The following GOLIM4 variants were observed in gnomAD, a reference collection of about 807,000 sequenced individuals.
The protein encoded by GOLIM4 is 130 kDa golgi-localized phosphoprotein.
GOLIM4 carries 71 observed loss-of-function variants against 107.4 expected under a neutral mutation model. The observed-to-expected ratio is 0.66, with a 90% CI of 0.55 to 0.81. GOLIM4 has a LOEUF of 0.81. Ranked by LOEUF, GOLIM4 falls within the 30% of genes least tolerant of loss-of-function variation. GOLIM4 has a pLI of 0.00. For synonymous variants in GOLIM4, 327 were observed against 294.8 expected, an observed-to-expected ratio of 1.11 and a Z score of -1.12; for missense variants, 830 against 826.1, an observed-to-expected ratio of 1.00 and a Z score of -0.06.
chr3:168,083,528 G>C (rs1721475426), intron 1 of GOLIM4, among the ~76,000 whole-genome samples: 1 of 152,166 alleles, frequency 6.6e-6, no homozygotes, highest in Non-Finnish European at 1.5e-5. Flanking sequence ...TAAATACCAG[G>C]TAATTTCCCT....
At position 168,009,159 on chromosome 3, in the gene GOLIM4, A is replaced by G. The variant is rs1259175202; in HGVS notation, c.*1110T>C. 1.3e-5 allele frequency: 2 copies of G among 152,004 alleles called. No individual in the cohort carries two copies. The highest frequency in any genetic ancestry group is 2.9e-5 in the Non-Finnish European group (2 of 67,982). 9.4% of individuals were successfully genotyped at this position (152,004 alleles called of 1,614,324 possible). On this transcript the variant is annotated 3_prime_UTR_variant, in exon 16 of 16. Coordinates refer to ENST00000470487, the MANE Select transcript of GOLIM4 (RefSeq NM_014498.5). The stretch of plus-strand genomic sequence containing the variant: ...GATTTTTAATTTTCTTATTTTAAGG[A>G]ATCTATTATATTCACAATGATTAAA...
chr3:168,073,259 A>C (rs1026699897), intron 1 of GOLIM4, among the ~76,000 whole-genome samples: 7 of 152,206 alleles, frequency 4.6e-5, no homozygotes, highest in African/African-American at 1.7e-4. Context: ...GACGGTAGGG[A>C]CCGTGTCTTC....
At chr3:168,066,974 C>T (rs974227588) in intron 1 of GOLIM4, among the ~76,000 whole-genome samples, 5 of 152,086 alleles carry the variant, frequency 3.3e-5, no homozygotes, top group Non-Finnish European at 7.4e-5. Flanking sequence ...GATAAACACA[C>T]TAGTATCTTG....
chr3:168,046,366 T>A (rs1294304674), intron 3 of GOLIM4, among the ~76,000 whole-genome samples: 2 of 152,114 alleles, frequency 1.3e-5, no homozygotes, highest in African/African-American at 2.4e-5. Context: ...TTTGGCAGGG[T>A]CATAGGACAA....
chr3:168,012,768 A>C (rs1261099342), intron 14 of GOLIM4, among the ~76,000 whole-genome samples: 1 of 152,126 alleles, frequency 6.6e-6, no homozygotes, highest in Non-Finnish European at 1.5e-5. Context: ...TTCAACCCAG[A>C]ATTTCATATC....
rs771222636 is a variant in GOLIM4 at position 168,025,076 on chromosome 3, A to G, written c.1643T>C (p.Ile548Thr). The G allele has an allele frequency of 1.3e-5, 21 of 1,613,546 alleles. No homozygotes were observed. The highest frequency in any genetic ancestry group is 1.1e-4 in the East Asian group (5 of 44,884). Residue 548 changes from isoleucine (I) to threonine (T), a missense_variant, in exon 13 of 16, where the codon ATA becomes ACA. Ile to Thr is a moderately conservative substitution (Grantham distance 89). Transcript: ENST00000470487. ...ATTATTAGGGTCATCTGCTGGGTTTATATCTTCTACAGCTGCCCTCTGTAA... is the reference window on the plus strand; with the variant it reads ...ATTATTAGGGTCATCTGCTGGGTTTGTATCTTCTACAGCTGCCCTCTGTAA... ...SEADRAAVED[I>T]NPADDPNNQG...
Position 168,043,367 on chromosome 3 carries a change from A to G in GOLIM4, c.517+12T>C. 2 of 1,587,978 alleles carry G rather than the reference A, an allele frequency of 1.3e-6. No homozygotes were observed. The highest frequency in any genetic ancestry group is 2.2e-5 in the East Asian group (1 of 44,548). ...ATTTAGAGATAAACTGGCTAATCAG[A>G]TTTCCAAATACCTTTTAGCTTAGAA... is the stretch of plus-strand genomic sequence containing the variant. On this transcript the variant is annotated intron_variant, in intron 5 of 15. Transcript: ENST00000470487.
intron 1 of GOLIM4, among the ~76,000 whole-genome samples, chr3:168,087,244 TTAA>T (rs2108294785): frequency 6.6e-6 from 1 of 152,292 alleles, no homozygotes; most frequent in East Asian, 1.9e-4. Flanking sequence ...TTACATAGCA[TTAA>T]TGATTGGTAA....
At position 168,009,430 on chromosome 3, in the gene GOLIM4, CAAAAAAA is replaced by C. The variant is rs59870709; in HGVS notation, c.*832_*838del. 1 of 77,496 alleles carries C rather than the reference CAAAAAAA, an allele frequency of 1.3e-5. No individual in the cohort carries two copies. Among genetic ancestry groups the C allele is most frequent in the Non-Finnish European group, 2.8e-5 (1 of 35,462 alleles). 4.8% of individuals were successfully genotyped at this position (77,496 alleles called of 1,614,324 possible). A position where few individuals can be genotyped will look rare whatever the true frequency, so the allele number is the denominator to read the frequency against. On this transcript the variant is annotated 3_prime_UTR_variant, in exon 16 of 16. Transcript: ENST00000470487. ...AAGAATATCAATCAATGGCTTCAAACAAAAAAAAAAAAAAAAAATTGAGAATGGGTGC... is the reference window on the plus strand; with the variant it reads ...AAGAATATCAATCAATGGCTTCAAACAAAAAAAAAAATTGAGAATGGGTGC...
chr3:168,029,890 C>G lies in GOLIM4; in HGVS notation c.1323G>C (p.Gly441=), dbSNP rs151199047. Residue 441 remains glycine (G), a synonymous_variant, in exon 10 of 16, where the codon GGG becomes GGC. Coordinates refer to ENST00000470487, the MANE Select transcript of GOLIM4 (RefSeq NM_014498.5). ...QEALHQQRLQ[G]HLLRQQEQQQ... ...GCTGTTCCTGCTGCCGTAGTAAGTG[C>G]CCCTGCAGCCTCTGCTGGTGCAAAG... 7,480 of 1,614,112 alleles carry G rather than the reference C, an allele frequency of 4.6e-3. 335 individuals carry two copies. In the Admixed American group the frequency reaches 0.089, roughly 19 times the overall value.
chr3:168,031,794 C>G (rs562608110), intron 9 of GOLIM4, among the ~76,000 whole-genome samples: 1 of 152,238 alleles, frequency 6.6e-6, no homozygotes. Flanking sequence ...GTGATCCACA[C>G]CCATGTAAAG....
At chr3:168,043,679 T>G in intron 4 of GOLIM4, 150 bp from the exon 5 acceptor site, 1 of 553,222 alleles carries the variant, frequency 1.8e-6, no homozygotes, top group African/African-American at 1.9e-5. Flanking sequence ...TTGCTTTAAT[T>G]TGTGCAGCTT....
rs1719339820 is a variant in GOLIM4, at chr3:168,046,936, A to T, written c.312+14T>A. 7.6e-7 allele frequency: 1 copy of T among 1,309,068 alleles called. No homozygotes were observed. The highest frequency in any genetic ancestry group is 1.6e-5 in the African/African-American group (1 of 64,372). 81.1% of individuals were successfully genotyped at this position (1,309,068 alleles called of 1,614,324 possible). On this transcript the variant is annotated intron_variant, in intron 3 of 15. Coordinates refer to ENST00000470487, the MANE Select transcript of GOLIM4 (RefSeq NM_014498.5). Reference sequence around the variant, plus strand: ...AGGAAAACAAACAACCACAACAAAAAAAACAAAACTTACCCTTCCTTTATT... The same window carrying T: ...AGGAAAACAAACAACCACAACAAAATAAACAAAACTTACCCTTCCTTTATT...
chr3:168,059,198 C>A (rs1159248279), intron 1 of GOLIM4, among the ~76,000 whole-genome samples: 1 of 152,160 alleles, frequency 6.6e-6, no homozygotes, highest in Non-Finnish European at 1.5e-5. Flanking sequence ...TTTACGGACG[C>A]TGCAAGTAAT....
At chr3:168,036,657 A>G (rs2108237163) in intron 8 of GOLIM4, among the ~76,000 whole-genome samples, 179 bp downstream of exon 8, 1 of 152,098 alleles carries the variant, frequency 6.6e-6, no homozygotes, top group African/African-American at 2.4e-5. Context: ...TAAATCAGAA[A>G]CTCTGGGCCT....
At chr3:168,043,094 A>T (rs1323984157) in intron 5 of GOLIM4, among the ~76,000 whole-genome samples, 3 of 152,254 alleles carry the variant, frequency 2.0e-5, no homozygotes, top group African/African-American at 7.2e-5. Flanking sequence ...CTCGCAACCC[A>T]GTTAAGAGAA....
chr3:168,049,347 T>G (rs1719490801), intron 1 of GOLIM4, among the ~76,000 whole-genome samples: 1 of 152,240 alleles, frequency 6.6e-6, no homozygotes, highest in South Asian at 2.1e-4. Flanking sequence ...AGTTTTGAAC[T>G]ATTTTTTGCT....
intron 1 of GOLIM4, among the ~76,000 whole-genome samples, chr3:168,089,346 A>T (rs1195872682): frequency 6.6e-6 from 1 of 152,184 alleles, no homozygotes; most frequent in Non-Finnish European, 1.5e-5. Flanking sequence ...CCTACCACAC[A>T]TTGCCCACAC....
rs761770698 is a variant in GOLIM4 at position 168,032,795 on chromosome 3, C to T, written c.901G>A (p.Asp301Asn). ...NHEAVPGRAE[D>N]TKLYAPTHKE... ...TGGGTGGGAGCATAGAGTTTTGTGTCTTCTGCTCTTCCAGGAACTGCTTCA... is the reference window on the plus strand; with the variant it reads ...TGGGTGGGAGCATAGAGTTTTGTGTTTTCTGCTCTTCCAGGAACTGCTTCA... Residue 301 changes from aspartate (D) to asparagine (N), a missense_variant, in exon 9 of 16, where the codon GAC (aspartate) becomes AAC (asparagine). Coordinates refer to ENST00000470487, the MANE Select transcript of GOLIM4 (RefSeq NM_014498.5). The T allele has an allele frequency of 3.7e-5, 60 of 1,613,928 alleles. No homozygotes were observed. Among genetic ancestry groups the T allele is most frequent in the Non-Finnish European group, 4.7e-5 (56 of 1,179,988 alleles).
Sources: gnomAD v4.1 joint callset for allele counts (sites outside exome capture counted in the v4.1 genomes callset) on GRCh38, gnomAD v4.1.1 for gene constraint, MANE v1.5 for transcripts, NCBI Gene and HGNC (gene_info 2026-07-23, HGNC 2026-07-21) for gene names.